Variants in LRP1B observed in about 807,000 individuals in gnomAD.
The protein encoded by LRP1B is LDL receptor related protein 1B, also known as low-density lipoprotein receptor-related protein 1B.
LRP1B carries 217 observed loss-of-function variants against 556.6 expected under a neutral mutation model. That is an observed-to-expected ratio of 0.39 (90% CI 0.35 to 0.44). The LOEUF (loss-of-function observed/expected upper bound fraction) is 0.44. Ranked by LOEUF, LRP1B falls within the 20% of genes least tolerant of loss-of-function variation. The probability of loss-of-function intolerance (pLI) is 1.00; values close to 1 mark genes in which losing one functional copy is unlikely to be tolerated. For synonymous variants in LRP1B, 2,047 were observed against 1,865.8 expected, an observed-to-expected ratio of 1.10 and a Z score of -2.50; for missense variants, 5,053 against 5,620.8, an observed-to-expected ratio of 0.90 and a Z score of 3.23.
At chr2:141,250,485 C>T (rs1247204169) in intron 4 of LRP1B, among the ~76,000 whole-genome samples, 1 of 152,166 alleles carries the variant, frequency 6.6e-6, no homozygotes, top group African/African-American at 2.4e-5. Flanking sequence ...GGCATAGAAG[C>T]TTCCCTCTCC....
At chr2:140,719,535 A>G (rs879623218) in intron 35 of LRP1B, among the ~76,000 whole-genome samples, 2 of 152,100 alleles carry the variant, frequency 1.3e-5, no homozygotes, top group Non-Finnish European at 2.9e-5. Flanking sequence ...CATCTTGAAC[A>G]TATCTTTGTC....
At chr2:140,748,744 AATATG>A (rs1248978052) in intron 35 of LRP1B, among the ~76,000 whole-genome samples, 1 of 107,584 alleles carries the variant, frequency 9.3e-6, no homozygotes, top group Non-Finnish European at 1.8e-5. Flanking sequence ...ATATGTATAT[AATATG>A]ATATATATTA....
At chr2:140,700,643 C>T (rs1559063356) in intron 40 of LRP1B, 22 bp from the exon 41 acceptor site, 1 of 1,602,740 alleles carries the variant, frequency 6.2e-7, no homozygotes, top group East Asian at 2.2e-5. Flanking sequence ...AAATGATACA[C>T]ACATGCACAT....
At chr2:141,459,857 C>A (rs1215819395) in intron 3 of LRP1B, among the ~76,000 whole-genome samples, 1 of 152,116 alleles carries the variant, frequency 6.6e-6, no homozygotes, top group African/African-American at 2.4e-5. Context: ...TGAAAATGGA[C>A]TAATCCAGAA....
chr2:140,448,873 T>G (rs1686774697), intron 63 of LRP1B, among the ~76,000 whole-genome samples: 1 of 152,058 alleles, frequency 6.6e-6, no homozygotes, highest in Non-Finnish European at 1.5e-5. Flanking sequence ...CTTAAATATG[T>G]AGAAATTTAC....
intron 2 of LRP1B, among the ~76,000 whole-genome samples, chr2:141,561,971 G>A (rs1378629596): frequency 6.6e-6 from 1 of 151,798 alleles, no homozygotes; most frequent in Non-Finnish European, 1.5e-5. Context: ...CTTAACAAAT[G>A]TTTAGTAGTG....
intron 7 of LRP1B, among the ~76,000 whole-genome samples, chr2:141,176,491 A>G (rs1680741190): frequency 6.6e-6 from 1 of 152,054 alleles, no homozygotes; most frequent in African/African-American, 2.4e-5. Context: ...AGAAGGTCAC[A>G]TGATGACCTT....
At chr2:140,597,195 C>T (rs986538768) in intron 43 of LRP1B, among the ~76,000 whole-genome samples, 1 of 152,066 alleles carries the variant, frequency 6.6e-6, no homozygotes, top group African/African-American at 2.4e-5. Context: ...CAGAAATCAT[C>T]CTGCCTTGGA....
intron 5 of LRP1B, among the ~76,000 whole-genome samples, chr2:141,232,367 C>T (rs923520592): frequency 7.9e-5 from 12 of 152,156 alleles, no homozygotes; most frequent in African/African-American, 2.4e-4. Context: ...AGTGAAACTA[C>T]TTTCACTCAA....
rs72993049 is a variant in LRP1B, at chr2:141,834,644, G to A, written c.83-24243C>T. On this transcript the variant is annotated intron_variant, in intron 1 of 90. Coordinates refer to ENST00000389484, the MANE Select transcript of LRP1B (RefSeq NM_018557.3). ...ATGTCCAAAAGCAGCTAGAAATGTGGTTCCAGGACAAAGGCAGGTGGACAG... is the reference window on the plus strand; with the variant it reads ...ATGTCCAAAAGCAGCTAGAAATGTGATTCCAGGACAAAGGCAGGTGGACAG... Among the ~76,000 whole-genome samples, 1,057 of 151,992 alleles carry A rather than the reference G, an allele frequency of 7.0e-3. 15 individuals are homozygous for A. The highest frequency in any genetic ancestry group is 0.023 in the African/African-American group (974 of 41,518).
At chr2:141,031,310 G>C (rs1698365524) in intron 11 of LRP1B, among the ~76,000 whole-genome samples, 1 of 150,552 alleles carries the variant, frequency 6.6e-6, no homozygotes, top group African/African-American at 2.4e-5. Flanking sequence ...AAGAGAGAGA[G>C]AGAGGAAATA....
intron 2 of LRP1B, among the ~76,000 whole-genome samples, chr2:141,505,748 T>A (rs1301928481): frequency 2.0e-5 from 3 of 152,024 alleles, no homozygotes; most frequent in Non-Finnish European, 4.4e-5. Flanking sequence ...TAGTAACACA[T>A]TCTGCTTGGT....
rs539700122 is a variant in LRP1B at position 140,608,830 on chromosome 2, C to CTTTG, written c.6800-7195_6800-7192dup. On this transcript the variant is annotated intron_variant, in intron 41 of 90. Coordinates refer to ENST00000389484, the MANE Select transcript of LRP1B (RefSeq NM_018557.3). Reference sequence around the variant, plus strand: ...GTTTTAAAGTGACAGTGATTTGTTTCTTTGTTTGTTTGTTTGTTTGTTTGA... The same window carrying CTTTG: ...GTTTTAAAGTGACAGTGATTTGTTTCTTTGTTTGTTTGTTTGTTTGTTTGTTTGA... Among the ~76,000 whole-genome samples, 869 of 127,938 alleles carry CTTTG rather than the reference C, an allele frequency of 6.8e-3. 7 individuals are homozygous for CTTTG. The highest frequency in any genetic ancestry group is 0.028 in the African/African-American group (797 of 28,538). 83.9% of individuals were successfully genotyped at this position (127,938 alleles called of 152,430 possible).
chr2:142,021,129 C>G (rs1305997651), intron 1 of LRP1B, among the ~76,000 whole-genome samples: 1 of 152,164 alleles, frequency 6.6e-6, no homozygotes, highest in African/African-American at 2.4e-5. Context: ...TTACAAACCT[C>G]TAATACTTGG....
chr2:141,667,168 A>T (rs1192345931), intron 2 of LRP1B, among the ~76,000 whole-genome samples: 2 of 152,182 alleles, frequency 1.3e-5, no homozygotes, highest in Non-Finnish European at 2.9e-5. Context: ...TACTGTACTT[A>T]CCAAATGCTT....
intron 1 of LRP1B, among the ~76,000 whole-genome samples, chr2:142,018,946 A>G (rs933232785): frequency 6.6e-6 from 1 of 151,134 alleles, no homozygotes; most frequent in Non-Finnish European, 1.5e-5. Context: ...AGTAAAATTC[A>G]AATTAAGTTA....
intron 43 of LRP1B, among the ~76,000 whole-genome samples, chr2:140,584,395 T>C (rs902253055): frequency 9.8e-4 from 148 of 151,140 alleles, no homozygotes; most frequent in Non-Finnish European, 1.7e-3. Context: ...CTCATATATA[T>C]ATATATATAT....
At chr2:140,518,980 A>G (rs1236139780) in intron 49 of LRP1B, among the ~76,000 whole-genome samples, 4 of 152,146 alleles carry the variant, frequency 2.6e-5, no homozygotes, top group Non-Finnish European at 5.9e-5. Context: ...TAAATGGAAG[A>G]ACAGTCCATG....
At chr2:141,329,476 C>G in intron 3 of LRP1B, among the ~76,000 whole-genome samples, 1 of 151,336 alleles carries the variant, frequency 6.6e-6, no homozygotes, top group Admixed American at 6.6e-5. Context: ...AACCCTGTCT[C>G]TACTAAAAAT....
Sources: allele counts gnomAD v4.1 joint callset (sites outside exome capture counted in the v4.1 genomes callset), GRCh38; gene constraint gnomAD v4.1.1; transcripts MANE v1.5; gene names NCBI Gene and HGNC (gene_info 2026-07-23, HGNC 2026-07-21).